PLPPR3: variants seen among roughly 807,000 people sequenced by gnomAD.
PLPPR3 encodes the protein phospholipid phosphatase-related protein type 3.
A neutral mutation model predicts 27.3 loss-of-function variants in PLPPR3; 14 were observed. That is an observed-to-expected ratio of 0.51 (90% CI 0.34 to 0.80). The LOEUF is 0.80. PLPPR3 is among the 30% of genes least tolerant of loss of function. The probability of loss-of-function intolerance (pLI) is 0.01; values close to 1 mark genes in which losing one functional copy is unlikely to be tolerated. For synonymous variants in PLPPR3, 671 were observed against 508.0 expected (o/e 1.32, Z -4.32); for missense variants, 1,287 against 1,056.9 (o/e 1.22, Z -3.02).
chr19:814,814 GTC>G lies in PLPPR3; in HGVS notation c.600-67_600-66del, dbSNP rs547161648. 574 of 1,569,624 alleles carry G rather than the reference GTC, an allele frequency of 3.7e-4. 6 individuals carry two copies. The South Asian group carries it at 6.4e-3, about 17-fold the overall frequency. On this transcript the variant is annotated intron_variant, in intron 5 of 7. Transcript: ENST00000520876. ...ACCCCAGCTCCAGTGGCCTCTCTGT[GTC>G]TCTGTTTCCCCGCATGTTCACCGGG...
Position 812,540 on chromosome 19 carries a change from C to A in PLPPR3, c.*30G>T. ...CGCGCGGCCGCCCGCGCCCTCGGCCCGCCCCCCGCCCGCCCCCGGCCCCGC... is the reference window on the plus strand; with the variant it reads ...CGCGCGGCCGCCCGCGCCCTCGGCCAGCCCCCCGCCCGCCCCCGGCCCCGC... On this transcript the variant is annotated 3_prime_UTR_variant, in exon 8 of 8. Coordinates refer to ENST00000520876, the MANE Select transcript of PLPPR3 (RefSeq NM_001270366.2). 1.1e-6 allele frequency: 1 copy of A among 934,792 alleles called. No homozygotes were observed. Among genetic ancestry groups the A allele is most frequent in the Non-Finnish European group, 1.3e-6 (1 of 782,834 alleles). The allele number at this position is 934,792 out of a possible 1,614,324, so 57.9% of individuals were successfully genotyped here. A position where few individuals can be genotyped will look rare whatever the true frequency, so the allele number is the denominator to read the frequency against.
Position 812,985 on chromosome 19 carries a change from A to T in PLPPR3, c.1742T>A (p.Val581Glu). 6.6e-7 allele frequency: 1 copy of T among 1,506,618 alleles called. No individual in the cohort carries two copies. The highest frequency in any genetic ancestry group is 1.5e-5 in the African/African-American group (1 of 68,848). 93.3% of individuals were successfully genotyped at this position (1,506,618 alleles called of 1,614,324 possible). ...GTGCGGCGCGTGCGCGTCGATGGTC[A>T]CGATGCTGGCGGAGTCGCGGTCCGA... ...SPSDRDSASI[V>E]TIDAHAPHHP... Residue 581 changes from valine to glutamate, a missense_variant, in exon 8 of 8, where the codon GTG becomes GAG. Val to Glu is a moderately radical substitution (Grantham distance 121, BLOSUM62 -2). Transcript: ENST00000520876.
Position 813,846 on chromosome 19 carries a change from G to C in PLPPR3, c.881C>G (p.Ala294Gly). 1.4e-6 allele frequency: 2 copies of C among 1,468,456 alleles called. No individual in the cohort carries two copies. The highest frequency in any genetic ancestry group is 1.8e-6 in the Non-Finnish European group (2 of 1,118,996). 91.0% of individuals were successfully genotyped at this position (1,468,456 alleles called of 1,614,324 possible). ...NFQAPPAEKPAAPAPAKDALR... is the reference protein window; with the variant it reads ...NFQAPPAEKPGAPAPAKDALR... ...CGCGTCCTTGGCGGGGGCCGGGGCC[G>C]CGGGCTTCTCTGCAGGTGGGGCCTG... Residue 294 changes from alanine to glycine, a missense_variant, in exon 8 of 8, where the codon GCG becomes GGG. Transcript: ENST00000520876. The surrounding 1 kb of genome is among the most constrained non-coding windows in gnomAD (Gnocchi z 4.1).
intron 5 of PLPPR3, 49 bp downstream of exon 5, chr19:814,837 C>T (rs1379839908): frequency 3.2e-6 from 5 of 1,585,890 alleles, no homozygotes; most frequent in African/African-American, 1.3e-5. Context: ...CGCATGTTCA[C>T]CGGGGCGGAA....
intron 2 of PLPPR3, among the ~76,000 whole-genome samples, chr19:820,083 A>G (rs1357850127): frequency 6.6e-6 from 1 of 152,080 alleles, no homozygotes; most frequent in Non-Finnish European, 1.5e-5. Flanking sequence ...CTTGGGCTCA[A>G]GCAATCCATC....
chr19:818,433 G>C (rs531904512), intron 2 of PLPPR3, among the ~76,000 whole-genome samples: 1 of 152,096 alleles, frequency 6.6e-6, no homozygotes, highest in East Asian at 1.9e-4. Flanking sequence ...GACCGCAGTG[G>C]CTCACACCTG....
At position 812,847 on chromosome 19, in the gene PLPPR3, C is replaced by T. The variant is rs1311030776; in HGVS notation, c.1880G>A (p.Gly627Asp). 9.3e-5 allele frequency: 106 copies of T among 1,142,092 alleles called. No individual in the cohort carries two copies. Among genetic ancestry groups the T allele is most frequent in the Non-Finnish European group, 1.1e-4 (103 of 928,232 alleles). The allele number at this position is 1,142,092 out of a possible 1,614,324, so 70.7% of individuals were successfully genotyped here. A position where few individuals can be genotyped will look rare whatever the true frequency, so the allele number is the denominator to read the frequency against. The change falls in exon 8 of 8, where the codon GGC (glycine) becomes GAC (aspartate). Residue 627 changes from glycine to aspartate, a missense_variant. Gly to Asp is a moderately conservative substitution (Grantham distance 94). Coordinates refer to ENST00000520876, the MANE Select transcript of PLPPR3 (RefSeq NM_001270366.2). ...GGYELGDLAR[G>D]FRGGAKPPGV... ...CGGGGGCTTGGCCCCGCCGCGGAAG[C>T]CGCGCGCCAGGTCCCCCAGCTCGTA...
chr19:817,637 G>T (rs1032894221), intron 2 of PLPPR3, among the ~76,000 whole-genome samples: 1 of 152,140 alleles, frequency 6.6e-6, no homozygotes, highest in Non-Finnish European at 1.5e-5. Context: ...CCTCAGTCCA[G>T]TCCTGGGGAG....
Position 813,865 on chromosome 19 carries a change from G to C in PLPPR3, c.862C>G (p.Pro288Ala). The C allele has an allele frequency of 6.9e-7, 1 of 1,447,422 alleles. No homozygotes were observed. 89.7% of individuals were successfully genotyped at this position (1,447,422 alleles called of 1,614,324 possible). A position where few individuals can be genotyped will look rare whatever the true frequency, so the allele number is the denominator to read the frequency against. The change falls in exon 8 of 8, where the codon CCA becomes GCA. Residue 288 changes from proline to alanine, a missense_variant. Physicochemically the swap from Pro to Ala is conservative, Grantham distance 27 (BLOSUM62 -1). Transcript: ENST00000520876. This position sits in a 1 kb window ranked among gnomAD's most constrained non-coding sequence, Gnocchi z 4.1. ...ACHAVGNFQA[P>A]PAEKPAAPAP... ...GGGGCCGCGGGCTTCTCTGCAGGTG[G>C]GGCCTGGAAGTTGCCCACCGCGTGG...
Position 815,174 on chromosome 19 carries a change from C to T in PLPPR3, c.403+12G>A. The T allele has an allele frequency of 6.2e-7, 1 of 1,602,792 alleles. No homozygotes were observed. ...GAGGTAGCTCAGGGTCGGGGCGCGT[C>T]CCGCAACTCACCCACAAACCGCACC... is the stretch of plus-strand genomic sequence containing the variant. On this transcript the variant is annotated intron_variant, in intron 4 of 7. Transcript: ENST00000520876.
At position 813,125 on chromosome 19, in the gene PLPPR3, C is replaced by T. The variant is rs762687328; in HGVS notation, c.1602G>A (p.Pro534=). The T allele has an allele frequency of 6.6e-7, 1 of 1,507,954 alleles. No individual in the cohort carries two copies. Among genetic ancestry groups the T allele is most frequent in the Admixed American group, 2.2e-5 (1 of 45,766 alleles). 93.4% of individuals were successfully genotyped at this position (1,507,954 alleles called of 1,614,324 possible). Reference sequence around the variant, plus strand: ...ACATGGCGATGACCTGCAGCAGCCGCGGAGGGTTGGCCACTGCCGCCCCGC... The same window carrying T: ...ACATGGCGATGACCTGCAGCAGCCGTGGAGGGTTGGCCACTGCCGCCCCGC... The part of the protein sequence containing the change: ...EKSGAAVANP[P]RLLQVIAMSK... Residue 534 remains proline (P), a synonymous_variant, in exon 8 of 8, where the codon CCG becomes CCA. Transcript: ENST00000520876. This position sits in a 1 kb window ranked among gnomAD's most constrained non-coding sequence, Gnocchi z 4.1.
At position 815,849 on chromosome 19, in the gene PLPPR3, C is replaced by T. The variant is rs753814294; in HGVS notation, c.78G>A (p.Leu26=). The T allele has an allele frequency of 6.2e-7, 1 of 1,612,234 alleles. No homozygotes were observed. The highest frequency in any genetic ancestry group is 8.5e-7 in the Non-Finnish European group (1 of 1,179,604). Residue 26 remains leucine, a splice_region_variant and synonymous_variant, in exon 3 of 8, where the codon CTG becomes CTA. Transcript: ENST00000520876. Reference sequence around the variant, plus strand: ...ATACGATGGAAGAAGCCACTATGGGCAGCTGTGGGGACAAGGTGGGCCAGG... The same window carrying T: ...ATACGATGGAAGAAGCCACTATGGGTAGCTGTGGGGACAAGGTGGGCCAGG... The part of the protein sequence containing the change: ...TLLPCFYFVE[L]PIVASSIVSL...
chr19:814,581 G>A lies in PLPPR3; in HGVS notation c.684C>T (p.Asp228=). 1.2e-6 allele frequency: 2 copies of A among 1,612,206 alleles called. No homozygotes were observed. Among genetic ancestry groups the A allele is most frequent in the Non-Finnish European group, 1.7e-6 (2 of 1,179,982 alleles). ...VSMYFNSVIS[D]TTKLLKPILV... is the part of the protein sequence containing the mutation. ...GGATGGGCTTCAGCAGCTTGGTGGT[G>A]TCCGAGATGACCGAGTTGAAGTACA... Residue 228 remains aspartate (D), a synonymous_variant, in exon 7 of 8, where the codon GAC becomes GAT. Transcript: ENST00000520876.
At chr19:821,649 C>A in intron 1 of PLPPR3, 64 bp from the exon 2 acceptor site, 1 of 944,934 alleles carries the variant, frequency 1.1e-6, no homozygotes, top group Non-Finnish European at 1.5e-6. Flanking sequence ...GACACGGTGG[C>A]CGGCGCCGGC....
chr19:815,613 G>A (rs1599259660), intron 3 of PLPPR3, 53 bp downstream of exon 3: 16 of 1,505,360 alleles, frequency 1.1e-5, no homozygotes, highest in Non-Finnish European at 1.4e-5. Flanking sequence ...GCGGGGGTGG[G>A]CTCCCAGCCG....
intron 7 of PLPPR3, 129 bp downstream of exon 7, chr19:814,305 C>T (rs2035011974): frequency 1.1e-6 from 1 of 889,488 alleles, no homozygotes; most frequent in Admixed American, 2.8e-5. Context: ...CCCTGTCAGA[C>T]CCCCTGAGCC....
In PLPPR3 at chr19:812,541, G is replaced by GGGGCC; in HGVS notation, c.*28_*29insGGCCC. 3.2e-6 allele frequency: 2 copies of GGGGCC among 617,394 alleles called. No individual in the cohort carries two copies. The highest frequency in any genetic ancestry group is 2.0e-6 in the Non-Finnish European group (1 of 496,528). The allele number at this position is 617,394 out of a possible 1,614,324, so 38.2% of individuals were successfully genotyped here. A position where few individuals can be genotyped will look rare whatever the true frequency, so the allele number is the denominator to read the frequency against. ...GCGCGGCCGCCCGCGCCCTCGGCCC[G>GGGGCC]CCCCCCGCCCGCCCCCGGCCCCGCC... On this transcript the variant is annotated 3_prime_UTR_variant, in exon 8 of 8. Coordinates refer to ENST00000520876, the MANE Select transcript of PLPPR3 (RefSeq NM_001270366.2).
At chr19:817,038 C>G (rs1345732479) in intron 2 of PLPPR3, among the ~76,000 whole-genome samples, 1 of 143,706 alleles carries the variant, frequency 7.0e-6, no homozygotes, top group Non-Finnish European at 1.5e-5. Flanking sequence ...CATCTATCCA[C>G]CTACTCATCC....
chr19:813,050 C>T lies in PLPPR3; in HGVS notation c.1677G>A (p.Ser559=), dbSNP rs1373762846. ...GCGAGGAGTCGGAGCTGGCGCTGGA[C>T]GACGACGCCGTCTCGGCCGCCTTGG... ...PGPKAAETAS[S]SSASSDSSQY... The change falls in exon 8 of 8, where the codon TCG becomes TCA. Residue 559 remains serine, a synonymous_variant. Coordinates refer to ENST00000520876, the MANE Select transcript of PLPPR3 (RefSeq NM_001270366.2). The surrounding 1 kb of genome is among the most constrained non-coding windows in gnomAD (Gnocchi z 4.1). 3 of 1,505,922 alleles carry T rather than the reference C, an allele frequency of 2.0e-6. No individual in the cohort carries two copies. The African/African-American group carries it at 4.4e-5, about 22-fold the overall frequency. The allele number at this position is 1,505,922 out of a possible 1,614,324, so 93.3% of individuals were successfully genotyped here.
Sources: gnomAD v4.1 joint callset for allele counts (sites outside exome capture counted in the v4.1 genomes callset) on GRCh38, gnomAD v4.1.1 for gene constraint, Gnocchi (gnomAD v3.1) non-coding constraint, MANE v1.5 for transcripts, NCBI Gene and HGNC (gene_info 2026-07-23, HGNC 2026-07-21) for gene names.